Variants in WDR49 observed in about 807,000 individuals in gnomAD.
The protein encoded by WDR49 is cilia- and flagella-associated protein 337.
WDR49 carries 107 observed loss-of-function variants against 119.5 expected under a neutral mutation model. That is an observed-to-expected ratio of 0.90 (90% CI 0.77 to 1.05). The LOEUF (loss-of-function observed/expected upper bound fraction) is 1.05, where lower values mean the gene tolerates loss of function less well. Among genes scored for constraint, WDR49 ranks in the 50% least tolerant of loss-of-function variants. The probability of loss-of-function intolerance (pLI) is 0.00; values close to 1 mark genes in which losing one functional copy is unlikely to be tolerated. For synonymous variants in WDR49, 425 were observed against 418.8 expected, an observed-to-expected ratio of 1.01 and a Z score of -0.18; for missense variants, 1,240 against 1,220.5, an observed-to-expected ratio of 1.02 and a Z score of -0.24.
chr3:167,562,299 G>A lies in WDR49; in HGVS notation c.1510-2071C>T, dbSNP rs1713313292. Among the ~76,000 whole-genome samples, 3 of 152,166 alleles carry A rather than the reference G, an allele frequency of 2.0e-5. No individual in the cohort carries two copies. The South Asian group carries it at 6.2e-4, about 32-fold the overall frequency. ...AGGACCATTTGGAGGCTTCAGACTA[G>A]TCCAGGTAAGAGATTCTCAACTAAC... On this transcript the variant is annotated intron_variant, in intron 8 of 18. Transcript: ENST00000682715.
chr3:167,480,288 C>T (rs1468631027), intron 18 of WDR49, among the ~76,000 whole-genome samples: 1 of 136,398 alleles, frequency 7.3e-6, no homozygotes, highest in Non-Finnish European at 1.5e-5. Flanking sequence ...ATAATAACTA[C>T]TATTAGAATA....
At chr3:167,606,192 C>G (rs1716056498) in intron 5 of WDR49, among the ~76,000 whole-genome samples, 1 of 152,104 alleles carries the variant, frequency 6.6e-6, no homozygotes, top group Non-Finnish European at 1.5e-5. Flanking sequence ...GTATGTTAAT[C>G]CATAGTTCTT....
At chr3:167,520,183 G>A (rs1428464801) in intron 16 of WDR49, among the ~76,000 whole-genome samples, 4 of 151,674 alleles carry the variant, frequency 2.6e-5, no homozygotes, top group Non-Finnish European at 5.9e-5. Flanking sequence ...GGAAGTTGAT[G>A]CTGCAGTGAG....
chr3:167,656,282 A>G (rs1718600721), upstream of WDR49, among the ~76,000 whole-genome samples: 1 of 152,356 alleles, frequency 6.6e-6, no homozygotes, highest in African/African-American at 2.4e-5. Context: ...CTTACATGGG[A>G]ACACGATTTG....
chr3:167,604,227 G>T, intron 6 of WDR49, 74 bp downstream of exon 6: 1 of 1,532,306 alleles, frequency 6.5e-7, no homozygotes, highest in Middle Eastern at 1.8e-4. Flanking sequence ...AGGTAGCAAA[G>T]GCTCCATGCA....
At chr3:167,604,799 G>A (rs1715965445) in intron 5 of WDR49, among the ~76,000 whole-genome samples, 2 of 152,090 alleles carry the variant, frequency 1.3e-5, no homozygotes, top group Non-Finnish European at 2.9e-5. Flanking sequence ...CTTGTTTGCT[G>A]CTTCCACTAT....
In WDR49 at chr3:167,532,887, G is replaced by T. The variant is rs757105520; in HGVS notation, c.2045C>A (p.Ser682Ter). 271 of 1,608,078 alleles carry T rather than the reference G, an allele frequency of 1.7e-4. No homozygotes were observed. The highest frequency in any genetic ancestry group is 5.0e-4 in the Admixed American group (30 of 59,594). The change falls in exon 12 of 19, where the codon TCA becomes TAA. Residue 682 changes from serine to a stop codon, truncating the protein, a stop_gained. Transcript: ENST00000682715. LOFTEE classifies it high-confidence loss of function. ...TTCAAACTCACACTTACCTAATTTT[G>T]ACTTTAGCAACCTCTGGTAATCAGG... ...LHPDYQRLLK[S>*]KLDTKPQKLL... is the part of the protein sequence containing the mutation.
chr3:167,547,264 C>T (rs1206856352), intron 10 of WDR49, among the ~76,000 whole-genome samples: 1 of 151,792 alleles, frequency 6.6e-6, no homozygotes, highest in African/African-American at 2.4e-5. Flanking sequence ...TCTCATTTCA[C>T]TTAAAAATAC....
upstream of WDR49, chr3:167,654,112 G>A (rs775213988): frequency 8.6e-5 from 13 of 152,000 alleles, no homozygotes; most frequent in Non-Finnish European, 1.9e-4. Flanking sequence ...GAAATAAAAG[G>A]ACAGTTCATT....
At chr3:167,492,546 A>G (rs1463364116) in intron 18 of WDR49, among the ~76,000 whole-genome samples, 4 of 152,122 alleles carry the variant, frequency 2.6e-5, no homozygotes, top group Non-Finnish European at 5.9e-5. Context: ...CCAATAAATA[A>G]AATGTATCAA....
At chr3:167,634,731 C>T (rs1021866408) in intron 2 of WDR49, among the ~76,000 whole-genome samples, 4 of 151,694 alleles carry the variant, frequency 2.6e-5, no homozygotes, top group African/African-American at 9.7e-5. Context: ...AAGAAGAGAT[C>T]GTGTGCCATT....
intron 12 of WDR49, among the ~76,000 whole-genome samples, chr3:167,531,776 T>C (rs1752860064): frequency 2.0e-5 from 3 of 152,226 alleles, no homozygotes; most frequent in South Asian, 4.1e-4. Context: ...AATGACATCA[T>C]CTCCAGGCCA....
intron 7 of WDR49, among the ~76,000 whole-genome samples, chr3:167,597,032 A>G (rs1715502658): frequency 6.6e-6 from 1 of 151,734 alleles, no homozygotes; most frequent in Admixed American, 6.6e-5. Flanking sequence ...AGTAACAAGG[A>G]GCCAAATGTT....
At chr3:167,536,782 G>A in intron 11 of WDR49, 88 bp downstream of exon 11, 1 of 1,125,584 alleles carries the variant, frequency 8.9e-7, no homozygotes, top group Non-Finnish European at 1.1e-6. Flanking sequence ...AAACAACTGA[G>A]AAAAAGCTTT....
intron 2 of WDR49, among the ~76,000 whole-genome samples, chr3:167,645,543 T>C (rs1054897468): frequency 3.9e-5 from 6 of 152,170 alleles, no homozygotes; most frequent in African/African-American, 1.4e-4. Flanking sequence ...GATTGCTAAA[T>C]AGGAATCATA....
chr3:167,623,990 T>C (rs1001330439), intron 3 of WDR49, among the ~76,000 whole-genome samples: 40 of 152,144 alleles, frequency 2.6e-4, no homozygotes, highest in African/African-American at 9.4e-4. Context: ...AGTATCCATC[T>C]GATAAATCTA....
intron 7 of WDR49, among the ~76,000 whole-genome samples, chr3:167,596,885 T>C (rs1396334082): frequency 7.5e-6 from 1 of 133,950 alleles, no homozygotes; most frequent in Non-Finnish European, 1.6e-5. Context: ...AATAAATAAA[T>C]AAATAAATAA....
chr3:167,631,492 G>A (rs1717372133), intron 2 of WDR49, among the ~76,000 whole-genome samples: 1 of 151,904 alleles, frequency 6.6e-6, no homozygotes, highest in Non-Finnish European at 1.5e-5. Flanking sequence ...TATTGATTTG[G>A]GGATGAATAA....
chr3:167,639,845 G>A (rs1283436650), intron 2 of WDR49, among the ~76,000 whole-genome samples: 1 of 151,556 alleles, frequency 6.6e-6, no homozygotes, highest in Non-Finnish European at 1.5e-5. Flanking sequence ...ACACAGCATT[G>A]GAAAAGCATC....
Sources: allele counts gnomAD v4.1 joint callset (sites outside exome capture counted in the v4.1 genomes callset), GRCh38; gene constraint gnomAD v4.1.1; transcripts MANE v1.5; gene names NCBI Gene and HGNC (gene_info 2026-07-23, HGNC 2026-07-21).